Variants in RBM26 observed in about 807,000 individuals in gnomAD.
RBM26 encodes the protein RNA-binding protein 26.
Under a neutral mutation model 123.6 loss-of-function variants are expected in RBM26, and 30 were observed. That is an observed-to-expected ratio of 0.24 (90% CI 0.18 to 0.33). RBM26 has a LOEUF of 0.33. Ranked by LOEUF, RBM26 falls within the 10% of genes least tolerant of loss-of-function variation. The probability of loss-of-function intolerance (pLI) is 1.00; values close to 1 mark genes in which losing one functional copy is unlikely to be tolerated. For missense variants in RBM26, 947 were observed against 1,203.6 expected, an observed-to-expected ratio of 0.79 and a Z score of 3.15; for synonymous variants, 400 against 404.4, an observed-to-expected ratio of 0.99 and a Z score of 0.13.
In RBM26 at chr13:79,322,350, T is replaced by C; in HGVS notation, c.2933A>G (p.Glu978Gly). ...ETEEVEPDEE[E>G]FQEESLVDDS... is the part of the protein sequence containing the mutation. ...ATAAGTGGAAAAAAAATAACATACT[T>C]CTTCTTCATCAGGCTCAACTTCTTC... The change falls in exon 21 of 22, where the codon GAA becomes GGA. Residue 978 changes from glutamate to glycine, a missense_variant and splice_region_variant. Coordinates refer to ENST00000438737, the MANE Select transcript of RBM26 (RefSeq NM_001366735.2). 1 of 1,548,040 alleles carries C rather than the reference T, an allele frequency of 6.5e-7. No individual in the cohort carries two copies. Among genetic ancestry groups the C allele is most frequent in the Non-Finnish European group, 8.7e-7 (1 of 1,145,642 alleles).
chr13:79,362,833 T>G (rs2074858462), intron 9 of RBM26, among the ~76,000 whole-genome samples: 1 of 152,212 alleles, frequency 6.6e-6, no homozygotes, highest in Non-Finnish European at 1.5e-5. Flanking sequence ...TCGGAATCCC[T>G]TTCATTGATA....
At chr13:79,317,005 T>A (rs1373556733), downstream of RBM26, among the ~76,000 whole-genome samples, 1 of 151,630 alleles carries the variant, frequency 6.6e-6, no homozygotes, top group Non-Finnish European at 1.5e-5. Context: ...AAGAGTAAAC[T>A]GAGATGGAAA....
intron 17 of RBM26, among the ~76,000 whole-genome samples, chr13:79,342,325 T>C (rs1426695192): frequency 6.6e-6 from 1 of 151,840 alleles, no homozygotes; most frequent in Admixed American, 6.6e-5. Context: ...GTCAGAATGT[T>C]ATTCATACTT....
At chr13:79,380,882 T>C (rs2077022473) in intron 1 of RBM26, among the ~76,000 whole-genome samples, 1 of 152,088 alleles carries the variant, frequency 6.6e-6, no homozygotes. Flanking sequence ...CATTAATCTT[T>C]CTGTGCCTGG....
intron 17 of RBM26, 149 bp downstream of exon 17, chr13:79,342,515 C>G: frequency 1.7e-6 from 1 of 599,768 alleles, no homozygotes; most frequent in South Asian, 2.5e-5. Flanking sequence ...CTTGTTTGTA[C>G]TTTTTTATTT....
chr13:79,368,146 T>G (rs921647493), intron 6 of RBM26, among the ~76,000 whole-genome samples: 1 of 151,920 alleles, frequency 6.6e-6, no homozygotes, highest in Non-Finnish European at 1.5e-5. Flanking sequence ...TGCCTCAGCC[T>G]CCCGAGTAGC....
chr13:79,343,084 A>G (rs1332880660), intron 16 of RBM26, among the ~76,000 whole-genome samples: 2 of 151,768 alleles, frequency 1.3e-5, no homozygotes, highest in Non-Finnish European at 3.0e-5. Context: ...TCAGAACATA[A>G]GTTTGAAGCA....
chr13:79,345,887 A>C (rs1321041485), intron 14 of RBM26, among the ~76,000 whole-genome samples: 1 of 152,208 alleles, frequency 6.6e-6, no homozygotes, highest in Non-Finnish European at 1.5e-5. Context: ...TTTATCCTTC[A>C]AAAGAAAAAC....
At chr13:79,365,886 GT>G (rs899425538) in intron 8 of RBM26, 168 bp from the exon 9 acceptor site, 2 of 955,046 alleles carry the variant, frequency 2.1e-6, no homozygotes, top group South Asian at 2.0e-5. Context: ...AAAAGAAAAT[GT>G]TTTTTTGAAA....
chr13:79,329,981 T>G (rs2069039621), intron 20 of RBM26, among the ~76,000 whole-genome samples: 1 of 152,152 alleles, frequency 6.6e-6, no homozygotes, highest in South Asian at 2.1e-4. Flanking sequence ...ACAGATGAAA[T>G]GATACAGTGA....
chr13:79,360,490 A>T (rs540559960), intron 9 of RBM26, among the ~76,000 whole-genome samples: 2 of 149,966 alleles, frequency 1.3e-5, no homozygotes, highest in African/African-American at 2.4e-5. Context: ...CCTCACCACA[A>T]ATATATATAT....
At chr13:79,337,965 C>T (rs2070725962) in intron 18 of RBM26, among the ~76,000 whole-genome samples, 1 of 152,170 alleles carries the variant, frequency 6.6e-6, no homozygotes, top group Admixed American at 6.5e-5. Flanking sequence ...CGCCTGTAAT[C>T]CCAAAACTTT....
In RBM26 at chr13:79,405,770, ACCATCCACAGCGG is replaced by A; in HGVS notation, c.-9_4del. 6.3e-7 allele frequency: 1 copy of A among 1,589,132 alleles called. No individual in the cohort carries two copies. The highest frequency in any genetic ancestry group is 8.6e-7 in the Non-Finnish European group (1 of 1,167,252). Reference sequence around the variant, plus strand: ...GAAGTTTTCAATGATCATTTTAGAAACCATCCACAGCGGCCCTAAGGCCCGTCACACTCCTCCG... The same window carrying A: ...GAAGTTTTCAATGATCATTTTAGAAACCCTAAGGCCCGTCACACTCCTCCG... On this transcript the variant is annotated start_lost and 5_prime_UTR_variant, in exon 1 of 22. Coordinates refer to ENST00000438737, the MANE Select transcript of RBM26 (RefSeq NM_001366735.2).
chr13:79,324,520 C>G (rs2068091896), intron 20 of RBM26, among the ~76,000 whole-genome samples: 1 of 151,670 alleles, frequency 6.6e-6, no homozygotes, highest in Non-Finnish European at 1.5e-5. Flanking sequence ...ATATTTTGGG[C>G]AAAATATTTT....
At chr13:79,349,139 A>G (rs1401326409) in intron 14 of RBM26, among the ~76,000 whole-genome samples, 2 of 152,204 alleles carry the variant, frequency 1.3e-5, no homozygotes. Context: ...TTTGAAATAT[A>G]TACACTGTAA....
intron 13 of RBM26, among the ~76,000 whole-genome samples, chr13:79,354,235 T>C (rs2073678390): frequency 6.6e-6 from 1 of 151,224 alleles, no homozygotes; most frequent in Non-Finnish European, 1.5e-5. Context: ...ATTTAAATAC[T>C]ATAGGAAAAG....
intron 18 of RBM26, among the ~76,000 whole-genome samples, chr13:79,339,975 A>G (rs545504128): frequency 2.0e-5 from 3 of 152,290 alleles, no homozygotes; most frequent in African/African-American, 4.8e-5. Flanking sequence ...GTGTTTAGCT[A>G]TGTTATAATA....
intron 5 of RBM26, 152 bp downstream of exon 5, chr13:79,370,793 T>G: frequency 1.2e-6 from 1 of 830,618 alleles, no homozygotes; most frequent in East Asian, 2.7e-5. Context: ...GAATAAAACT[T>G]TTAAAGGAAT....
chr13:79,382,700 A>C (rs549157194), intron 1 of RBM26, among the ~76,000 whole-genome samples: 176 of 152,310 alleles, frequency 1.2e-3, no homozygotes, highest in African/African-American at 4.0e-3. Flanking sequence ...AGGAAATGAA[A>C]GTGTGAAATG....
Sources: gnomAD v4.1 joint callset for allele counts (sites outside exome capture counted in the v4.1 genomes callset) on GRCh38, gnomAD v4.1.1 for gene constraint, MANE v1.5 for transcripts, NCBI Gene and HGNC (gene_info 2026-07-23, HGNC 2026-07-21) for gene names.